THOC2: variants seen among roughly 807,000 people sequenced by gnomAD.
The protein encoded by THOC2 is THO complex subunit 2.
In THOC2, 10 loss-of-function variants were observed where a neutral mutation model predicts 128.4. The ratio of observed to expected loss-of-function variants is 0.08; its 90% confidence interval spans 0.05 to 0.13. THOC2 has a LOEUF of 0.13. THOC2 is among the 10% of genes least tolerant of loss of function. THOC2 has a pLI of 1.00. For synonymous variants in THOC2, 393 were observed against 396.9 expected (o/e 0.99, Z 0.12); for missense variants, 535 against 1,155.7 (o/e 0.46, Z 7.79).
intron 33 of THOC2, among the ~76,000 whole-genome samples, chrX:123,616,845 T>G (rs1569326702): frequency 9.0e-6 from 1 of 110,552 alleles, no homozygotes; most frequent in Non-Finnish European, 1.9e-5. Context: ...TAATCTCATT[T>G]GAAAAGCTAA....
intron 19 of THOC2, 113 bp from the exon 20 acceptor site, chrX:123,634,183 G>A (rs1486965512): frequency 1.2e-5 from 5 of 413,037 alleles, no homozygotes. Context: ...ATAAATATGG[G>A]GGAAGGGGCT....
intron 17 of THOC2, among the ~76,000 whole-genome samples, chrX:123,638,717 GACACACACGTACAC>G (rs2047775591): frequency 1.0e-5 from 1 of 95,713 alleles, no homozygotes; most frequent in Non-Finnish European, 2.1e-5. Flanking sequence ...ACAACACAAA[GACACACACGTACAC>G]ACACACACAC....
chrX:123,718,691 A>C lies in THOC2; in HGVS notation c.72-5783T>G, dbSNP rs577211361. Among the ~76,000 whole-genome samples, 9 of 110,177 alleles carry C rather than the reference A, an allele frequency of 8.2e-5. No homozygotes were observed. In the South Asian group the frequency reaches 3.6e-3, roughly 44 times the overall value. ...GGAGAATCGCTTGGATCCAGGAGGC[A>C]GAGATTGCAGTAAGCCAAGATCGCG... On this transcript the variant is annotated intron_variant, in intron 1 of 38. Transcript: ENST00000245838.
At chrX:123,724,299 A>C (rs2051844254) in intron 1 of THOC2, among the ~76,000 whole-genome samples, 1 of 111,929 alleles carries the variant, frequency 8.9e-6, no homozygotes, top group Non-Finnish European at 1.9e-5. Flanking sequence ...CAGGATGAGC[A>C]GGGTAAGGTT....
intron 16 of THOC2, among the ~76,000 whole-genome samples, chrX:123,639,322 T>C (rs1451617428): frequency 8.9e-6 from 1 of 111,825 alleles, no homozygotes; most frequent in Non-Finnish European, 1.9e-5. Flanking sequence ...CTGCAATGAA[T>C]CTGTAGATTC....
chrX:123,636,223 A>C (rs769300352), intron 18 of THOC2, 48 bp from the exon 19 acceptor site: 1 of 1,001,993 alleles, frequency 1.0e-6, no homozygotes, highest in Non-Finnish European at 1.4e-6. Flanking sequence ...AACAAAATGC[A>C]CAAGTATCAT....
intron 15 of THOC2, among the ~76,000 whole-genome samples, chrX:123,641,807 T>C (rs935745001): frequency 4.5e-5 from 5 of 112,029 alleles, no homozygotes; most frequent in African/African-American, 6.5e-5. Context: ...TAGAAAGAAT[T>C]ACTAAATGCC....
chrX:123,726,398 A>G (rs1373856518), intron 1 of THOC2, among the ~76,000 whole-genome samples: 1 of 109,982 alleles, frequency 9.1e-6, no homozygotes, highest in Non-Finnish European at 1.9e-5. Flanking sequence ...AAAGAGAAAT[A>G]AAATAATTGT....
rs758091588 is a variant in THOC2 at position 123,656,330 on chromosome X, T to TAA, written c.1386+9310_1386+9311dup. On this transcript the variant is annotated intron_variant, in intron 12 of 38. Coordinates refer to ENST00000245838, the MANE Select transcript of THOC2 (RefSeq NM_001081550.2). ...TGGGCAACAAGAGCGAGACTCCGTC[T>TAA]AAAAAAAAAAAAAAAAAAAAAAAGA... Among the ~76,000 whole-genome samples, 207 of 37,788 alleles carry TAA rather than the reference T, an allele frequency of 5.5e-3. 1 individual carries two copies. The highest frequency in any genetic ancestry group is 0.024 in the Middle Eastern group (1 of 41). The allele number at this position is 37,788 out of a possible 115,157, so 32.8% of individuals were successfully genotyped here. A position where few individuals can be genotyped will look rare whatever the true frequency, so the allele number is the denominator to read the frequency against.
intron 8 of THOC2, among the ~76,000 whole-genome samples, chrX:123,673,766 G>T (rs2049374918): frequency 1.8e-5 from 2 of 112,396 alleles, no homozygotes; most frequent in South Asian, 3.7e-4. Context: ...CCCTGCCATT[G>T]TAACGCAGTT....
intron 38 of THOC2, among the ~76,000 whole-genome samples, chrX:123,608,449 C>T (rs2046569910): frequency 9.7e-6 from 1 of 102,855 alleles, no homozygotes; most frequent in African/African-American, 3.6e-5. Flanking sequence ...GATGGCCCAG[C>T]ACAGTGGCTC....
chrX:123,606,863 A>G lies in THOC2; in HGVS notation c.*18+4055T>C, dbSNP rs185788457. On this transcript the variant is annotated intron_variant, in intron 38 of 38. Transcript: ENST00000245838. ...TTAAAATCAAAGTCCTACATCCAAA[A>G]TAATAAAAAGCAAGGAGACTGAGTA... 2.1e-3 allele frequency among the ~76,000 whole-genome samples: 234 copies of G among 111,569 alleles called. 2 individuals carry two copies. The highest frequency in any genetic ancestry group is 7.5e-3 in the African/African-American group (230 of 30,698).
chrX:123,662,721 A>G (rs1320547019), intron 12 of THOC2, among the ~76,000 whole-genome samples: 1 of 112,224 alleles, frequency 8.9e-6, no homozygotes, highest in Non-Finnish European at 1.9e-5. Flanking sequence ...CATATCTGAT[A>G]AGGCCTTGCA....
At chrX:123,608,908 G>A (rs2046589226) in intron 38 of THOC2, among the ~76,000 whole-genome samples, 1 of 112,287 alleles carries the variant, frequency 8.9e-6, no homozygotes, top group African/African-American at 3.2e-5. Context: ...AAGACCACGA[G>A]CCAAATATCT....
At chrX:123,730,527 T>C (rs2052197192) in intron 1 of THOC2, among the ~76,000 whole-genome samples, 1 of 112,355 alleles carries the variant, frequency 8.9e-6, no homozygotes, top group Non-Finnish European at 1.9e-5. Flanking sequence ...CTATGACAGA[T>C]AGCATGTATT....
intron 1 of THOC2, among the ~76,000 whole-genome samples, chrX:123,726,625 C>T (rs1181600183): frequency 8.9e-6 from 1 of 111,983 alleles, no homozygotes; most frequent in African/African-American, 3.2e-5. Flanking sequence ...AAAAGCCTTC[C>T]AATGGTTGCG....
intron 3 of THOC2, among the ~76,000 whole-genome samples, chrX:123,705,165 A>G (rs1177689536): frequency 8.9e-6 from 1 of 112,284 alleles, no homozygotes; most frequent in Non-Finnish European, 1.9e-5. Context: ...AGAGAAAGCC[A>G]TGACAAAGAC....
chrX:123,730,893 G>A (rs1250985150), intron 1 of THOC2, among the ~76,000 whole-genome samples: 11 of 111,942 alleles, frequency 9.8e-5, no homozygotes, highest in Non-Finnish European at 1.9e-4. Flanking sequence ...ACGGTGAGCC[G>A]AGATCGCGCC....
At chrX:123,666,029 T>C (rs1045420040) in intron 11 of THOC2, among the ~76,000 whole-genome samples, 192 bp from the exon 12 acceptor site, 1 of 110,806 alleles carries the variant, frequency 9.0e-6, no homozygotes, top group African/African-American at 3.3e-5. Context: ...TCTCAACTGG[T>C]AGAAACACAT....
Sources: gnomAD v4.1 joint callset for allele counts (sites outside exome capture counted in the v4.1 genomes callset) on GRCh38, gnomAD v4.1.1 for gene constraint, MANE v1.5 for transcripts, NCBI Gene and HGNC (gene_info 2026-07-23, HGNC 2026-07-21) for gene names.